The following AKAP9 variants were observed in gnomAD, a reference collection of about 807,000 sequenced individuals.
The protein encoded by AKAP9 is A-kinase anchoring protein 9.
Under a neutral mutation model 488.5 loss-of-function variants are expected in AKAP9, and 311 were observed. The observed-to-expected ratio is 0.64, with a 90% CI of 0.58 to 0.70. The LOEUF is 0.70. Among genes scored for constraint, AKAP9 ranks in the 30% least tolerant of loss-of-function variants. The pLI is 0.00. For synonymous variants in AKAP9, 1,462 were observed against 1,483.5 expected, an observed-to-expected ratio of 0.99 and a Z score of 0.33; for missense variants, 4,215 against 4,374.5, an observed-to-expected ratio of 0.96 and a Z score of 1.03.
rs182048899 is a variant in AKAP9 at position 92,096,929 on chromosome 7, G to A, written c.9970G>A (p.Ala3324Thr). The part of the protein sequence containing the change: ...STLDRERELH[A>T]QLQSSDGTGQ... Reference sequence around the variant, plus strand: ...CCTAGATAGGGAGCGGGAATTGCACGCACAGCTGCAGAGCAGTGATGGTAC... The same window carrying A: ...CCTAGATAGGGAGCGGGAATTGCACACACAGCTGCAGAGCAGTGATGGTAC... The change falls in exon 41 of 50, where the codon GCA (alanine) becomes ACA (threonine). Residue 3324 changes from alanine (A) to threonine (T), a missense_variant. By Grantham distance (58) the Ala-to-Thr change is moderately conservative (BLOSUM62 0). Transcript: ENST00000356239. The A allele has an allele frequency of 5.5e-5, 89 of 1,614,160 alleles. No individual in the cohort carries two copies. The highest frequency in any genetic ancestry group is 5.1e-5 in the Non-Finnish European group (60 of 1,180,034).
At chr7:91,972,854 G>A (rs1795257955) in intron 1 of AKAP9, among the ~76,000 whole-genome samples, 1 of 152,192 alleles carries the variant, frequency 6.6e-6, no homozygotes, top group Non-Finnish European at 1.5e-5. Context: ...ATGATGATAT[G>A]TAAACGATTA....
intron 9 of AKAP9, 43 bp from the exon 10 acceptor site, chr7:92,014,206 A>G: frequency 7.6e-7 from 1 of 1,307,194 alleles, no homozygotes; most frequent in Non-Finnish European, 1.1e-6. Flanking sequence ...ATAGTTCTTA[A>G]GTATGTAAAT....
Position 92,043,132 on chromosome 7 carries a change from C to G in AKAP9, c.5162+361C>G, listed in dbSNP as rs146355516. ...AGTTATCCTACATTAGTATTAAAGA[C>G]TTTAAGCACAATATTTTAAACTTTG... On this transcript the variant is annotated intron_variant, in intron 20 of 49. Transcript: ENST00000356239. The G allele has an allele frequency of 7.1e-3, 1,265 of 178,012 alleles. 9 individuals carry two copies. Among genetic ancestry groups the G allele is most frequent in the Non-Finnish European group, 0.01 (888 of 87,444 alleles). The allele number at this position is 178,012 out of a possible 1,614,324, so 11.0% of individuals were successfully genotyped here.
intron 1 of AKAP9, among the ~76,000 whole-genome samples, chr7:91,968,472 G>T (rs1212335664): frequency 6.6e-6 from 1 of 151,866 alleles, no homozygotes; most frequent in African/African-American, 2.4e-5. Context: ...GATTTTATTT[G>T]ACCTTTCTCC....
intron 26 of AKAP9, among the ~76,000 whole-genome samples, 159 bp from the exon 27 acceptor site, chr7:92,069,871 A>AT (rs1811393493): frequency 6.6e-6 from 1 of 152,150 alleles, no homozygotes; most frequent in African/African-American, 2.4e-5. Context: ...CAGCCTGGGT[A>AT]ACATAATGAG....
intron 1 of AKAP9, among the ~76,000 whole-genome samples, chr7:91,944,538 C>T (rs954016748): frequency 1.8e-4 from 27 of 152,128 alleles, no homozygotes; most frequent in Non-Finnish European, 1.8e-4. Context: ...AGGCATTTAC[C>T]ACCACGCCTG....
intron 16 of AKAP9, among the ~76,000 whole-genome samples, chr7:92,036,950 G>A (rs893466768): frequency 6.6e-6 from 1 of 152,164 alleles, no homozygotes; most frequent in Non-Finnish European, 1.5e-5. Context: ...GGTCCAATTT[G>A]GTAGGTGAGA....
chr7:92,086,916 A>G (rs1814662173), intron 37 of AKAP9, among the ~76,000 whole-genome samples: 1 of 152,220 alleles, frequency 6.6e-6, no homozygotes, highest in South Asian at 2.1e-4. Context: ...AACTTGTCTG[A>G]CACACATATT....
At position 91,951,100 on chromosome 7, in the gene AKAP9, G is replaced by GT. The variant is rs1055175109; in HGVS notation, c.48+9963dup. Among the ~76,000 whole-genome samples, 163 of 147,814 alleles carry GT rather than the reference G, an allele frequency of 1.1e-3. 1 individual carries two copies. Among genetic ancestry groups the GT allele is most frequent in the East Asian group, 2.9e-3 (15 of 5,094 alleles). The stretch of plus-strand genomic sequence containing the variant: ...TGAGAAAAAGAAAAGATAATTTGAG[G>GT]TTTTTTTTTTAGTTGAGAAGAATGC... On this transcript the variant is annotated intron_variant, in intron 1 of 49. Transcript: ENST00000356239.
At position 92,014,268 on chromosome 7, in the gene AKAP9, A is replaced by G. The variant is rs1388009164; in HGVS notation, c.3552A>G (p.Leu1184=). 2 of 1,612,416 alleles carry G rather than the reference A, an allele frequency of 1.2e-6. No homozygotes were observed. Among genetic ancestry groups the G allele is most frequent in the African/African-American group, 2.7e-5 (2 of 74,896 alleles). ...TQETGDEGKP[L]HLLIGKLQKA... ...TATTAGGTGATGAAGGAAAGCCTTT[A>G]CATCTGCTCATTGGAAAACTTCAAA... The change falls in exon 10 of 50, where the codon TTA becomes TTG. Residue 1184 remains leucine (L), a synonymous_variant. Transcript: ENST00000356239.
Position 91,961,324 on chromosome 7 carries a change from G to A in AKAP9, c.49-12387G>A, listed in dbSNP as rs549203021. Among the ~76,000 whole-genome samples the A allele has an allele frequency of 4.2e-3, 631 of 151,522 alleles. 1 individual carries two copies. Among genetic ancestry groups the A allele is most frequent in the Non-Finnish European group, 6.9e-3 (470 of 67,856 alleles). On this transcript the variant is annotated intron_variant, in intron 1 of 49. Transcript: ENST00000356239. ...ATCCCGAGTAGCTGGGATTACAGGC[G>A]CCTACCAGCACACCCAGCTAATTTT...
chr7:92,075,997 C>T (rs1178353954), intron 28 of AKAP9, among the ~76,000 whole-genome samples: 1 of 152,132 alleles, frequency 6.6e-6, no homozygotes, highest in Non-Finnish European at 1.5e-5. Context: ...CAGAGATGCT[C>T]CTGCATCTTA....
At chr7:92,091,516 G>T (rs574232251) in intron 38 of AKAP9, among the ~76,000 whole-genome samples, 1 of 150,066 alleles carries the variant, frequency 6.7e-6, no homozygotes, top group South Asian at 2.1e-4. Flanking sequence ...AACTTAGGAG[G>T]CAGAGGTTGC....
At chr7:91,986,143 G>T (rs979018627) in intron 3 of AKAP9, among the ~76,000 whole-genome samples, 9 of 152,182 alleles carry the variant, frequency 5.9e-5, no homozygotes, top group African/African-American at 1.9e-4. Context: ...TCTTGGGAGG[G>T]TGTATGTGTC....
rs1334435131 is a variant in AKAP9 at position 92,002,799 on chromosome 7, A to G, written c.2882A>G (p.Asp961Gly). 1.9e-6 allele frequency: 3 copies of G among 1,613,584 alleles called. No homozygotes were observed. Among genetic ancestry groups the G allele is most frequent in the Non-Finnish European group, 1.7e-6 (2 of 1,179,718 alleles). The stretch of plus-strand genomic sequence containing the variant: ...TTAGAGCTGTCACAGAGACTGTCTG[A>G]TCTTTCTGAACAATTGAAACAGAAA... ...EKLELSQRLSDLSEQLKQKHG... is the reference protein window; with the variant it reads ...EKLELSQRLSGLSEQLKQKHG... The change falls in exon 8 of 50, where the codon GAT (aspartate) becomes GGT (glycine). Residue 961 changes from aspartate (D) to glycine (G), a missense_variant. Transcript: ENST00000356239.
At chr7:92,046,059 C>T (rs1165739705) in intron 21 of AKAP9, among the ~76,000 whole-genome samples, 2 of 152,204 alleles carry the variant, frequency 1.3e-5, no homozygotes, top group Non-Finnish European at 2.9e-5. Flanking sequence ...GTCTTGAATT[C>T]CTGACCTCAG....
chr7:92,042,842 C>A, intron 20 of AKAP9, 71 bp downstream of exon 20: 1 of 1,064,480 alleles, frequency 9.4e-7, no homozygotes, highest in Non-Finnish European at 1.4e-6. Context: ...AGACTTTGTC[C>A]TTATTTTTAT....
chr7:92,054,807 C>T (rs920414496), intron 22 of AKAP9, among the ~76,000 whole-genome samples: 3 of 151,920 alleles, frequency 2.0e-5, no homozygotes, highest in Non-Finnish European at 4.4e-5. Flanking sequence ...TGTTAGGTTC[C>T]TACTGGTTGG....
chr7:92,091,509 T>G (rs1434711242), intron 38 of AKAP9, among the ~76,000 whole-genome samples: 1 of 149,962 alleles, frequency 6.7e-6, no homozygotes, highest in African/African-American at 2.5e-5. Flanking sequence ...TCGTCTGAAC[T>G]TAGGAGGCAG....
Sources: gnomAD v4.1 joint callset for allele counts (sites outside exome capture counted in the v4.1 genomes callset) on GRCh38, gnomAD v4.1.1 for gene constraint, MANE v1.5 for transcripts, NCBI Gene and HGNC (gene_info 2026-07-23, HGNC 2026-07-21) for gene names.